KCTD7: variants seen among roughly 807,000 people sequenced by gnomAD.
KCTD7 encodes the protein potassium channel tetramerization domain containing 7.
KCTD7 carries 15 observed loss-of-function variants against 27.0 expected under a neutral mutation model. The ratio of observed to expected loss-of-function variants is 0.56; its 90% CI spans 0.37 to 0.86. The LOEUF (loss-of-function observed/expected upper bound fraction) is 0.86, where lower values mean the gene tolerates loss of function less well. Ranked by LOEUF, KCTD7 falls within the 40% of genes least tolerant of loss-of-function variation. The pLI is 0.00. For synonymous variants in KCTD7, 159 were observed against 162.7 expected (o/e 0.98, Z 0.17); for missense variants, 299 against 398.9 (o/e 0.75, Z 2.13).
intron 2 of KCTD7, 138 bp downstream of exon 2, chr7:66,633,582 G>T: frequency 8.6e-6 from 7 of 810,604 alleles, no homozygotes; most frequent in East Asian, 2.9e-5. Context: ...TGGGTTTATT[G>T]AAAGAGATCA....
Position 66,641,590 on chromosome 7 carries a change from G to A in KCTD7, c.*2358G>A, listed in dbSNP as rs949634464. On this transcript the variant is annotated 3_prime_UTR_variant, in exon 4 of 4. Coordinates refer to ENST00000639828, the MANE Select transcript of KCTD7 (RefSeq NM_153033.5). ...TCGCTGGAGAAATCCCTGTTTCTCTGACTCCCTTTGTGATCCTCACAGTAA... is the reference window on the plus strand; with the variant it reads ...TCGCTGGAGAAATCCCTGTTTCTCTAACTCCCTTTGTGATCCTCACAGTAA... 2.0e-6 allele frequency: 2 copies of A among 985,342 alleles called. No homozygotes were observed. Among genetic ancestry groups the A allele is most frequent in the African/African-American group, 1.7e-5 (1 of 57,228 alleles). 61.0% of individuals were successfully genotyped at this position (985,342 alleles called of 1,614,324 possible).
chr7:66,638,589 C>G (rs1447699240), intron 3 of KCTD7, 158 bp downstream of exon 3: 2 of 927,952 alleles, frequency 2.2e-6, no homozygotes, highest in African/African-American at 1.6e-5. Flanking sequence ...TGGGGAGATT[C>G]AGGTTAAGGT....
chr7:66,637,548 AC>A (rs1473352064), intron 2 of KCTD7, among the ~76,000 whole-genome samples: 2 of 152,112 alleles, frequency 1.3e-5, no homozygotes, highest in Non-Finnish European at 2.9e-5. Flanking sequence ...AAACAAAAAA[AC>A]AAACTACTGG....
intron 1 of KCTD7, among the ~76,000 whole-genome samples, chr7:66,631,930 T>C (rs1307968451): frequency 6.6e-6 from 1 of 152,160 alleles, no homozygotes; most frequent in Admixed American, 6.5e-5. Flanking sequence ...CCAAGATGCT[T>C]TCCCTGTCTT....
At chr7:66,638,724 T>TGA (rs1337587055) in intron 3 of KCTD7, 132 bp from the exon 4 acceptor site, 2 of 1,164,348 alleles carry the variant, frequency 1.7e-6, no homozygotes, top group Non-Finnish European at 2.5e-6. Context: ...ATTGGCCCCC[T>TGA]GAGTCCCTTC....
intron 1 of KCTD7, among the ~76,000 whole-genome samples, chr7:66,632,488 CAAAAAAAA>C (rs79868578): frequency 1.9e-5 from 1 of 52,614 alleles, no homozygotes; most frequent in Non-Finnish European, 3.8e-5. Flanking sequence ...GACTCCGTCT[CAAAAAAAA>C]AAAAAAAAAG....
At position 66,639,822 on chromosome 7, in the gene KCTD7, AT is replaced by A. The variant is rs757333312; in HGVS notation, c.*591del. 8.0e-7 allele frequency: 1 copy of A among 1,248,662 alleles called. No homozygotes were observed. Among genetic ancestry groups the A allele is most frequent in the Non-Finnish European group, 1.0e-6 (1 of 997,420 alleles). 77.3% of individuals were successfully genotyped at this position (1,248,662 alleles called of 1,614,324 possible). A position where few individuals can be genotyped will look rare whatever the true frequency, so the allele number is the denominator to read the frequency against. ...AAGACTTTTCTTTTCCTTCCGGAAC[AT>A]GTTCTTCACCACCTTTTGGAGATTT... On this transcript the variant is annotated 3_prime_UTR_variant, in exon 4 of 4. Coordinates refer to ENST00000639828, the MANE Select transcript of KCTD7 (RefSeq NM_153033.5).
Position 66,642,345 on chromosome 7 carries a change from C to G in KCTD7, c.*3113C>G. 1.0e-6 allele frequency: 1 copy of G among 985,442 alleles called. No individual in the cohort carries two copies. Among genetic ancestry groups the G allele is most frequent in the Non-Finnish European group, 1.2e-6 (1 of 829,942 alleles). 61.0% of individuals were successfully genotyped at this position (985,442 alleles called of 1,614,324 possible). On this transcript the variant is annotated 3_prime_UTR_variant, in exon 4 of 4. Coordinates refer to ENST00000639828, the MANE Select transcript of KCTD7 (RefSeq NM_153033.5). ...ACTCTGGAAGTTTCTGTTCTTCTTT[C>G]CTGGGGCTTAGGATATTCTGGGAGC...
At position 66,640,017 on chromosome 7, in the gene KCTD7, C is replaced by G; in HGVS notation, c.*785C>G. 8.0e-7 allele frequency: 1 copy of G among 1,255,566 alleles called. No homozygotes were observed. The highest frequency in any genetic ancestry group is 1.0e-6 in the Non-Finnish European group (1 of 1,003,238). 77.8% of individuals were successfully genotyped at this position (1,255,566 alleles called of 1,614,324 possible). A position where few individuals can be genotyped will look rare whatever the true frequency, so the allele number is the denominator to read the frequency against. Reference sequence around the variant, plus strand: ...TTCAGAGGCTTCTTTTGAAGATTCCCCAAGTCAAGCAGGCAAGATGCCTAG... The same window carrying G: ...TTCAGAGGCTTCTTTTGAAGATTCCGCAAGTCAAGCAGGCAAGATGCCTAG... On this transcript the variant is annotated 3_prime_UTR_variant, in exon 4 of 4. Coordinates refer to ENST00000639828, the MANE Select transcript of KCTD7 (RefSeq NM_153033.5).
In KCTD7 at chr7:66,638,247, G is replaced by T; in HGVS notation, c.315-6G>T. 6.2e-7 allele frequency: 1 copy of T among 1,614,164 alleles called. No homozygotes were observed. The highest frequency in any genetic ancestry group is 8.5e-7 in the Non-Finnish European group (1 of 1,180,020). On this transcript the variant is annotated splice_region_variant and splice_polypyrimidine_tract_variant and intron_variant, in intron 2 of 3. Coordinates refer to ENST00000639828, the MANE Select transcript of KCTD7 (RefSeq NM_153033.5). ...TTGTCACCGACCCTCTTTCCTTCCT[G>T]CTTAGAGATGTGCTGAATTTCCTGC...
At chr7:66,635,132 T>C (rs1378095123) in intron 2 of KCTD7, among the ~76,000 whole-genome samples, 3 of 151,926 alleles carry the variant, frequency 2.0e-5, no homozygotes, top group Admixed American at 6.6e-5. Flanking sequence ...GCTGCCTCAG[T>C]TTCCCAAGTA....
At chr7:66,630,532 A>T (rs1161392642) in intron 1 of KCTD7, among the ~76,000 whole-genome samples, 1 of 152,202 alleles carries the variant, frequency 6.6e-6, no homozygotes, top group Non-Finnish European at 1.5e-5. Context: ...TGGTATGCGG[A>T]GTCCCAGGAC....
chr7:66,639,006 G>A lies in KCTD7; in HGVS notation c.644G>A (p.Ser215Asn). Reference protein sequence around the residue: ...PLLNSLRFERSESDGQLFEHH... With the variant: ...PLLNSLRFERNESDGQLFEHH... ...CTCAACTCCCTGCGATTTGAGCGGAGTGAGAGTGACGGGCAGCTTTTTGAG... is the reference window on the plus strand; with the variant it reads ...CTCAACTCCCTGCGATTTGAGCGGAATGAGAGTGACGGGCAGCTTTTTGAG... The change falls in exon 4 of 4, where the codon AGT becomes AAT. Residue 215 changes from serine to asparagine, a missense_variant. Transcript: ENST00000639828. 3 of 1,614,208 alleles carry A rather than the reference G, an allele frequency of 1.9e-6. No individual in the cohort carries two copies. Among genetic ancestry groups the A allele is most frequent in the Non-Finnish European group, 2.5e-6 (3 of 1,180,034 alleles).
intron 1 of KCTD7, among the ~76,000 whole-genome samples, chr7:66,630,597 T>A (rs558601572): frequency 3.9e-5 from 6 of 152,296 alleles, no homozygotes; most frequent in African/African-American, 1.4e-4. Flanking sequence ...GTGATGCTCT[T>A]GGGAAGCAGA....
In KCTD7 at chr7:66,640,768, T is replaced by C; in HGVS notation, c.*1536T>C. On this transcript the variant is annotated 3_prime_UTR_variant, in exon 4 of 4. Transcript: ENST00000639828. Reference sequence around the variant, plus strand: ...TCACTTGAGCCCAGGAGATTAAGACTGTAGTATACTATGATCGTGCCTGTG... The same window carrying C: ...TCACTTGAGCCCAGGAGATTAAGACCGTAGTATACTATGATCGTGCCTGTG... The C allele has an allele frequency of 6.8e-6, 7 of 1,027,076 alleles. No homozygotes were observed. Among genetic ancestry groups the C allele is most frequent in the Non-Finnish European group, 8.2e-6 (7 of 852,328 alleles). 63.6% of individuals were successfully genotyped at this position (1,027,076 alleles called of 1,614,324 possible).
At position 66,642,098 on chromosome 7, in the gene KCTD7, T is replaced by G. The variant is rs766971700; in HGVS notation, c.*2866T>G. The G allele has an allele frequency of 2.0e-6, 2 of 985,396 alleles. No individual in the cohort carries two copies. Among genetic ancestry groups the G allele is most frequent in the Non-Finnish European group, 2.4e-6 (2 of 829,936 alleles). The allele number at this position is 985,396 out of a possible 1,614,324, so 61.0% of individuals were successfully genotyped here. A position where few individuals can be genotyped will look rare whatever the true frequency, so the allele number is the denominator to read the frequency against. On this transcript the variant is annotated 3_prime_UTR_variant, in exon 4 of 4. Transcript: ENST00000639828. Reference sequence around the variant, plus strand: ...AAGTTTCAGGAGATGGGACCAATGGTGCAATGCTCGCCATAACAAAATTCC... The same window carrying G: ...AAGTTTCAGGAGATGGGACCAATGGGGCAATGCTCGCCATAACAAAATTCC...
At chr7:66,638,733 T>TC in intron 3 of KCTD7, 123 bp from the exon 4 acceptor site, 2 of 1,258,516 alleles carry the variant, frequency 1.6e-6, no homozygotes, top group East Asian at 2.5e-5. Flanking sequence ...CTGAGTCCCT[T>TC]CCCCGGGAAA....
chr7:66,629,349 C>T (rs1786391332), intron 1 of KCTD7, 141 bp downstream of exon 1: 1 of 567,978 alleles, frequency 1.8e-6, no homozygotes. Context: ...CCCCGCCCAC[C>T]TGCAACTCCC....
At chr7:66,637,670 A>C (rs1584398707) in intron 2 of KCTD7, among the ~76,000 whole-genome samples, 1 of 152,330 alleles carries the variant, frequency 6.6e-6, no homozygotes, top group Non-Finnish European at 1.5e-5. Flanking sequence ...TATATATTTC[A>C]AGAAAAGGCA....
Sources: gnomAD v4.1 joint callset for allele counts (sites outside exome capture counted in the v4.1 genomes callset) on GRCh38, gnomAD v4.1.1 for gene constraint, MANE v1.5 for transcripts, NCBI Gene and HGNC (gene_info 2026-07-23, HGNC 2026-07-21) for gene names.